The following IL7R variants were observed in gnomAD, a reference collection of about 807,000 sequenced individuals.
The protein encoded by IL7R is interleukin 7 receptor.
A neutral mutation model predicts 47.0 loss-of-function variants in IL7R; 38 were observed. That is an observed-to-expected ratio of 0.81 (90% confidence interval 0.62 to 1.06). The LOEUF (loss-of-function observed/expected upper bound fraction) is 1.06, where lower values mean the gene tolerates loss of function less well. IL7R is among the 50% of genes least tolerant of loss of function. The probability of loss-of-function intolerance (pLI) is 0.00; values close to 1 mark genes in which losing one functional copy is unlikely to be tolerated. For missense variants in IL7R, 633 were observed against 534.8 expected, an observed-to-expected ratio of 1.18 and a Z score of -1.81; for synonymous variants, 221 against 199.8, an observed-to-expected ratio of 1.11 and a Z score of -0.89.
intron 2 of IL7R, among the ~76,000 whole-genome samples, chr5:35,866,865 T>C (rs1282285862): frequency 1.3e-5 from 2 of 152,156 alleles, no homozygotes; most frequent in African/African-American, 2.4e-5. Flanking sequence ...ATATGTGATA[T>C]TATGTATATA....
chr5:35,857,178 C>T (rs1443337960), intron 1 of IL7R, 119 bp downstream of exon 1: 4 of 742,548 alleles, frequency 5.4e-6, no homozygotes, highest in Non-Finnish European at 9.7e-6. Flanking sequence ...TGAGAATTTC[C>T]CACATATTCA....
At chr5:35,872,223 G>C (rs776620975) in intron 4 of IL7R, among the ~76,000 whole-genome samples, 1 of 152,084 alleles carries the variant, frequency 6.6e-6, no homozygotes, top group Non-Finnish European at 1.5e-5. Context: ...TTTTGAGATG[G>C]AGTCTTGCTC....
At chr5:35,863,372 C>T (rs1259005931) in intron 2 of IL7R, among the ~76,000 whole-genome samples, 1 of 152,090 alleles carries the variant, frequency 6.6e-6, no homozygotes, top group Non-Finnish European at 1.5e-5. Context: ...TGCATTTAAC[C>T]TCCTGGCCAG....
chr5:35,864,987 T>C (rs1401447839), intron 2 of IL7R, among the ~76,000 whole-genome samples: 3 of 152,140 alleles, frequency 2.0e-5, no homozygotes, highest in African/African-American at 7.2e-5. Context: ...ATACTTTAAG[T>C]TCTAGGGTAC....
intron 1 of IL7R, among the ~76,000 whole-genome samples, chr5:35,857,359 A>AT (rs1759680816): frequency 6.6e-6 from 1 of 152,110 alleles, no homozygotes; most frequent in South Asian, 2.1e-4. Context: ...TGTAGATGCT[A>AT]TGACTGTACT....
intron 3 of IL7R, among the ~76,000 whole-genome samples, chr5:35,870,506 C>T (rs1390615564): frequency 1.3e-5 from 2 of 152,220 alleles, no homozygotes; most frequent in Non-Finnish European, 2.9e-5. Flanking sequence ...AGTTTAAATA[C>T]TCCTGCTTTG....
chr5:35,879,108 G>A lies in IL7R; in HGVS notation c.*2622G>A, dbSNP rs889084604. 1 of 232,820 alleles carries A rather than the reference G, an allele frequency of 4.3e-6. No individual in the cohort carries two copies. Among genetic ancestry groups the A allele is most frequent in the African/African-American group, 2.2e-5 (1 of 45,286 alleles). 14.4% of individuals were successfully genotyped at this position (232,820 alleles called of 1,614,324 possible). ...AAAAAAAATAAACCTCCTGATCGGA[G>A]ACAATGTATTAATCAGAAGTGTAAA... On this transcript the variant is annotated 3_prime_UTR_variant, in exon 8 of 8. Coordinates refer to ENST00000303115, the MANE Select transcript of IL7R (RefSeq NM_002185.5).
In IL7R at chr5:35,860,891, C is replaced by T. The variant is rs1759788104; in HGVS notation, c.122C>T (p.Ser41Leu). The change falls in exon 2 of 8, where the codon TCA becomes TTA. Residue 41 changes from serine to leucine, a missense_variant. Ser to Leu is a moderately radical substitution (Grantham distance 145). Transcript: ENST00000303115. ...EDAELDDYSF[S>L]CYSQLEVNGS... is the part of the protein sequence containing the mutation. ...GCAGAACTGGATGACTACTCATTCT[C>T]ATGCTATAGCCAGTTGGAAGTGAAT... 1 of 1,613,464 alleles carries T rather than the reference C, an allele frequency of 6.2e-7. No individual in the cohort carries two copies. The highest frequency in any genetic ancestry group is 8.5e-7 in the Non-Finnish European group (1 of 1,179,580).
At chr5:35,875,239 C>T (rs1368725722) in intron 6 of IL7R, among the ~76,000 whole-genome samples, 1 of 152,238 alleles carries the variant, frequency 6.6e-6, no homozygotes, top group Non-Finnish European at 1.5e-5. Context: ...GGTGTTCCTT[C>T]CCTCTAGGGC....
intron 6 of IL7R, among the ~76,000 whole-genome samples, chr5:35,874,825 A>G (rs1415561096): frequency 1.3e-5 from 2 of 152,262 alleles, no homozygotes; most frequent in Non-Finnish European, 2.9e-5. Flanking sequence ...TGCAGAAGCC[A>G]TCATTCATGG....
intron 1 of IL7R, among the ~76,000 whole-genome samples, chr5:35,859,139 C>T (rs1020169306): frequency 1.3e-5 from 2 of 152,136 alleles, no homozygotes; most frequent in African/African-American, 4.8e-5. Context: ...GTGCAGGAAA[C>T]AGTGTATAAA....
rs1477100566 is a variant in IL7R at position 35,878,392 on chromosome 5, T to C, written c.*1906T>C. The stretch of plus-strand genomic sequence containing the variant: ...CATAAAAGGATGGCATTCTGCCTCA[T>C]AAATTGCAAAACCTAATGAAAGTGA... On this transcript the variant is annotated 3_prime_UTR_variant, in exon 8 of 8. Coordinates refer to ENST00000303115, the MANE Select transcript of IL7R (RefSeq NM_002185.5). The C allele has an allele frequency of 1.3e-5, 3 of 233,180 alleles. No individual in the cohort carries two copies. The East Asian group carries it at 1.8e-4, about 14-fold the overall frequency. The allele number at this position is 233,180 out of a possible 1,614,324, so 14.4% of individuals were successfully genotyped here.
intron 3 of IL7R, among the ~76,000 whole-genome samples, chr5:35,868,774 C>G (rs909822221): frequency 6.6e-6 from 1 of 152,154 alleles, no homozygotes; most frequent in Non-Finnish European, 1.5e-5. Context: ...CCCATTCTTA[C>G]AAAACTCCAC....
chr5:35,875,996 G>A lies in IL7R; in HGVS notation c.890G>A (p.Ser297Asn). ...CKKPRKNLNV[S>N]FNPESFLDCQ... ...TTTTCTGTGCAGAATTTAAATGTGA[G>A]TTTCAATCCTGAAAGTTTCCTGGAC... Residue 297 changes from serine to asparagine, a missense_variant, in exon 8 of 8, where the codon AGT (serine) becomes AAT (asparagine). Transcript: ENST00000303115. The A allele has an allele frequency of 1.9e-6, 3 of 1,612,910 alleles. No individual in the cohort carries two copies. The highest frequency in any genetic ancestry group is 2.5e-6 in the Non-Finnish European group (3 of 1,180,002).
intron 1 of IL7R, among the ~76,000 whole-genome samples, chr5:35,857,765 C>A (rs1759695403): frequency 6.6e-6 from 1 of 152,006 alleles, no homozygotes; most frequent in South Asian, 2.1e-4. Flanking sequence ...CCTGCCCATA[C>A]ATAAACACAT....
At chr5:35,866,531 A>G (rs890486366) in intron 2 of IL7R, among the ~76,000 whole-genome samples, 6 of 152,118 alleles carry the variant, frequency 3.9e-5, no homozygotes, top group Admixed American at 2.6e-4. Flanking sequence ...CATCAAGCAT[A>G]GAGTTTTCTT....
chr5:35,878,201 CT>C lies in IL7R; in HGVS notation c.*1716del, dbSNP rs1440828605. On this transcript the variant is annotated 3_prime_UTR_variant, in exon 8 of 8. Coordinates refer to ENST00000303115, the MANE Select transcript of IL7R (RefSeq NM_002185.5). ...GTTTTACTTTCCAAAGTGCTCTCCT[CT>C]GCACCAGCAGTAATAAATACAATGC... 8.6e-6 allele frequency: 2 copies of C among 233,296 alleles called. No homozygotes were observed. The highest frequency in any genetic ancestry group is 1.3e-3 in the Middle Eastern group (1 of 786). 14.5% of individuals were successfully genotyped at this position (233,296 alleles called of 1,614,324 possible).
At chr5:35,859,433 G>A (rs1227817339) in intron 1 of IL7R, among the ~76,000 whole-genome samples, 1 of 152,118 alleles carries the variant, frequency 6.6e-6, no homozygotes, top group Non-Finnish European at 1.5e-5. Context: ...CAAAATTAGT[G>A]GGCTGTCTCT....
intron 2 of IL7R, among the ~76,000 whole-genome samples, chr5:35,863,222 A>G (rs1759862093): frequency 6.6e-6 from 1 of 152,140 alleles, no homozygotes. Flanking sequence ...AAAATAATCA[A>G]TACATTTAGC....
Sources: allele counts gnomAD v4.1 joint callset (sites outside exome capture counted in the v4.1 genomes callset), GRCh38; gene constraint gnomAD v4.1.1; transcripts MANE v1.5; gene names NCBI Gene and HGNC (gene_info 2026-07-23, HGNC 2026-07-21).